COG5: variants seen among roughly 807,000 people sequenced by gnomAD.
COG5 encodes component of oligomeric golgi complex 5, also known as conserved oligomeric Golgi complex subunit 5.
Under a neutral mutation model 110.4 loss-of-function variants are expected in COG5, and 86 were observed. The observed-to-expected ratio is 0.78, with a 90% CI of 0.65 to 0.93. COG5 has a LOEUF of 0.93. COG5 is among the 40% of genes least tolerant of loss of function. COG5 has a pLI of 0.00. For synonymous variants in COG5, 360 were observed against 334.6 expected (o/e 1.08, Z -0.83); for missense variants, 1,077 against 987.0 (o/e 1.09, Z -1.22).
intron 7 of COG5, among the ~76,000 whole-genome samples, chr7:107,398,336 C>G (rs989147167): frequency 2.0e-5 from 3 of 152,162 alleles, no homozygotes; most frequent in Admixed American, 1.3e-4. Context: ...GGCTGCTGAC[C>G]AGTAAGAGTC....
In COG5 at chr7:107,370,154, G is replaced by A. The variant is rs185137055; in HGVS notation, c.835+2441C>T. 3.6e-4 allele frequency among the ~76,000 whole-genome samples: 54 copies of A among 152,034 alleles called. No homozygotes were observed. The East Asian group carries it at 7.7e-3, about 22-fold the overall frequency. The stretch of plus-strand genomic sequence containing the variant: ...TCTTAGGAAGTCTCAGATTGAAAAT[G>A]AGATCATGCACCATCACACTCATGA... On this transcript the variant is annotated intron_variant, in intron 8 of 21. Coordinates refer to ENST00000297135, the MANE Select transcript of COG5 (RefSeq NM_006348.5).
At chr7:107,326,474 C>A (rs1809776021) in intron 10 of COG5, among the ~76,000 whole-genome samples, 1 of 151,982 alleles carries the variant, frequency 6.6e-6, no homozygotes, top group South Asian at 2.1e-4. Context: ...ACAAAATCAA[C>A]ACATAAAAAT....
chr7:107,279,377 T>G (rs1442659877), intron 14 of COG5, among the ~76,000 whole-genome samples: 1 of 152,208 alleles, frequency 6.6e-6, no homozygotes, highest in Non-Finnish European at 1.5e-5. Flanking sequence ...TTAGTTTTCA[T>G]ACCAAATCTC....
At chr7:107,373,578 G>C (rs1814375953) in intron 7 of COG5, among the ~76,000 whole-genome samples, 1 of 152,156 alleles carries the variant, frequency 6.6e-6, no homozygotes, top group Non-Finnish European at 1.5e-5. Flanking sequence ...TAGTATGCTA[G>C]GGAAAGAGCA....
At chr7:107,529,900 C>G (rs1801071724) in intron 5 of COG5, among the ~76,000 whole-genome samples, 1 of 152,132 alleles carries the variant, frequency 6.6e-6, no homozygotes, top group African/African-American at 2.4e-5. Flanking sequence ...GGATATCTTG[C>G]ACTGGAAACA....
At chr7:107,363,228 A>G (rs547096366) in intron 8 of COG5, among the ~76,000 whole-genome samples, 1 of 152,342 alleles carries the variant, frequency 6.6e-6, no homozygotes, top group African/African-American at 2.4e-5. Context: ...TTTGATTTCT[A>G]AGACCATTCT....
chr7:107,507,116 TA>T (rs1179843543), intron 6 of COG5, among the ~76,000 whole-genome samples: 1 of 152,156 alleles, frequency 6.6e-6, no homozygotes, highest in Non-Finnish European at 1.5e-5. Context: ...GGTTCCCCTG[TA>T]GGGGTGTGTA....
chr7:107,409,661 G>C (rs915025136), intron 7 of COG5, among the ~76,000 whole-genome samples: 1 of 152,164 alleles, frequency 6.6e-6, no homozygotes, highest in Non-Finnish European at 1.5e-5. Flanking sequence ...AAAGGTTGAA[G>C]ATTCAGATAA....
At position 107,232,459 on chromosome 7, in the gene COG5, T is replaced by C. The variant is rs148768121; in HGVS notation, c.2092-1768A>G. On this transcript the variant is annotated intron_variant, in intron 18 of 21. Transcript: ENST00000297135. ...ATTATATATTTTTCACGAAGTGTTT[T>C]TGTCAATTTCTCAACTACTCTAGTG... 4.6e-3 allele frequency among the ~76,000 whole-genome samples: 700 copies of C among 152,378 alleles called. 3 individuals are homozygous for C. Among genetic ancestry groups the C allele is most frequent in the African/African-American group, 0.016 (668 of 41,592 alleles).
intron 6 of COG5, among the ~76,000 whole-genome samples, chr7:107,478,763 A>T (rs576880165): frequency 6.6e-6 from 1 of 152,150 alleles, no homozygotes; most frequent in Admixed American, 6.6e-5. Context: ...ACAAATGTGT[A>T]GCAAAATCTC....
chr7:107,389,491 G>A (rs1260594582), intron 7 of COG5, among the ~76,000 whole-genome samples: 1 of 152,134 alleles, frequency 6.6e-6, no homozygotes, highest in East Asian at 1.9e-4. Flanking sequence ...AGCTGCAGGT[G>A]GCCTCAAACC....
chr7:107,268,675 T>C (rs1039114295), intron 14 of COG5, among the ~76,000 whole-genome samples: 4 of 152,232 alleles, frequency 2.6e-5, no homozygotes, highest in African/African-American at 9.6e-5. Context: ...GGCTGTCTTG[T>C]AAGGTGTATC....
rs547090447 is a variant in COG5 at position 107,408,739 on chromosome 7, A to G, written c.669+3763T>C. Among the ~76,000 whole-genome samples, 116 of 152,276 alleles carry G rather than the reference A, an allele frequency of 7.6e-4. 1 individual carries two copies. The highest frequency in any genetic ancestry group is 5.4e-3 in the Admixed American group (83 of 15,294). ...CCAAAAGGCAGAACAGGGGACATCT[A>G]TTTTGCTGATCTAGATCTTGTCAGA... On this transcript the variant is annotated intron_variant, in intron 7 of 21. Coordinates refer to ENST00000297135, the MANE Select transcript of COG5 (RefSeq NM_006348.5).
chr7:107,420,377 G>A (rs886313489), intron 6 of COG5, among the ~76,000 whole-genome samples: 12 of 152,286 alleles, frequency 7.9e-5, no homozygotes, highest in South Asian at 2.1e-4. Context: ...TCTTTTGATC[G>A]GGATAGGGAG....
At chr7:107,265,087 T>G (rs1803690193) in intron 14 of COG5, among the ~76,000 whole-genome samples, 2 of 152,194 alleles carry the variant, frequency 1.3e-5, no homozygotes, top group African/African-American at 4.8e-5. Context: ...ACTTAGAAAT[T>G]GTTATACAAT....
chr7:107,509,362 G>C (rs552279611), intron 6 of COG5, among the ~76,000 whole-genome samples: 15 of 152,284 alleles, frequency 9.9e-5, no homozygotes, highest in African/African-American at 3.6e-4. Context: ...AGAATAAAAA[G>C]AAATGAACAA....
intron 11 of COG5, among the ~76,000 whole-genome samples, chr7:107,313,149 T>C (rs2117006165): frequency 6.6e-6 from 1 of 152,312 alleles, no homozygotes; most frequent in Middle Eastern, 3.4e-3. Flanking sequence ...CTGTGAATCT[T>C]TGGACAGCAA....
intron 7 of COG5, among the ~76,000 whole-genome samples, chr7:107,401,069 G>A (rs866150126): frequency 5.3e-5 from 8 of 152,004 alleles, no homozygotes; most frequent in Admixed American, 2.0e-4. Flanking sequence ...TGCACACTAC[G>A]TATGCTGTTT....
chr7:107,461,672 CAAGAA>C (rs563070365), intron 6 of COG5, among the ~76,000 whole-genome samples: 265 of 152,104 alleles, frequency 1.7e-3, no homozygotes, highest in African/African-American at 6.1e-3. Context: ...CGTAAGGAAT[CAAGAA>C]AAGAATAAAT....
Sources: gnomAD v4.1 joint callset for allele counts (sites outside exome capture counted in the v4.1 genomes callset) on GRCh38, gnomAD v4.1.1 for gene constraint, MANE v1.5 for transcripts, NCBI Gene and HGNC (gene_info 2026-07-23, HGNC 2026-07-21) for gene names.